EHMT1: variants seen among roughly 807,000 people sequenced by gnomAD.
EHMT1 encodes histone-lysine N-methyltransferase EHMT1.
A neutral mutation model predicts 147.2 loss-of-function variants in EHMT1; 15 were observed. The observed-to-expected ratio is 0.10, with a 90% CI of 0.07 to 0.16. EHMT1 has a LOEUF of 0.16. EHMT1 is among the 10% of genes least tolerant of loss of function. EHMT1 has a pLI of 1.00. For missense variants in EHMT1, 1,587 were observed against 1,772.4 expected, an observed-to-expected ratio of 0.90 and a Z score of 1.88; for synonymous variants, 795 against 709.6, an observed-to-expected ratio of 1.12 and a Z score of -1.91.
chr9:137,664,355 G>C (rs1224789642), intron 1 of EHMT1, among the ~76,000 whole-genome samples: 1 of 150,480 alleles, frequency 6.6e-6, no homozygotes, highest in Non-Finnish European at 1.5e-5. Context: ...GCAGTGGTGT[G>C]ATCTCTGCTC....
intron 4 of EHMT1, among the ~76,000 whole-genome samples, chr9:137,730,422 C>T (rs1947006049): frequency 6.6e-6 from 1 of 151,622 alleles, no homozygotes; most frequent in African/African-American, 2.4e-5. Context: ...TGTCCGTCCA[C>T]ACAGTTATCT....
intron 1 of EHMT1, among the ~76,000 whole-genome samples, chr9:137,673,195 A>T (rs1028635507): frequency 4.6e-5 from 7 of 152,126 alleles, no homozygotes; most frequent in African/African-American, 1.7e-4. Flanking sequence ...ACCTCCCAGC[A>T]GGTGTTTATT....
intron 16 of EHMT1, among the ~76,000 whole-genome samples, chr9:137,793,523 G>C (rs1033311645): frequency 6.6e-6 from 1 of 152,248 alleles, no homozygotes; most frequent in East Asian, 1.9e-4. Flanking sequence ...GCTGTGATCT[G>C]TAGCAACTCC....
At chr9:137,621,907 C>G (rs1388723485) in intron 1 of EHMT1, among the ~76,000 whole-genome samples, 2 of 150,054 alleles carry the variant, frequency 1.3e-5, no homozygotes, top group East Asian at 3.9e-4. Context: ...TGCTAAAACC[C>G]TTAAAAAAAA....
In EHMT1 at chr9:137,822,911, C is replaced by T. The variant is rs558291438; in HGVS notation, c.3540+4773C>T. Reference sequence around the variant, plus strand: ...CTTCATCTCGAAAAAAAAAAAAAAGCCTGTTTTTTGTTGTTGTTGTTGTTT... The same window carrying T: ...CTTCATCTCGAAAAAAAAAAAAAAGTCTGTTTTTTGTTGTTGTTGTTGTTT... On this transcript the variant is annotated intron_variant, in intron 25 of 26. Transcript: ENST00000460843. 2.9e-5 allele frequency among the ~76,000 whole-genome samples: 4 copies of T among 138,776 alleles called. No individual in the cohort carries two copies. In the South Asian group the frequency reaches 6.3e-4, roughly 22 times the overall value. 91.0% of individuals were successfully genotyped at this position (138,776 alleles called of 152,430 possible).
In EHMT1 at chr9:137,787,909, T is replaced by C. The variant is rs1377835090; in HGVS notation, c.2383-2939T>C. The C allele has an allele frequency of 5.5e-6, 8 of 1,464,942 alleles. No individual in the cohort carries two copies. In the Admixed American group the frequency reaches 6.7e-5, roughly 12 times the overall value. 90.7% of individuals were successfully genotyped at this position (1,464,942 alleles called of 1,614,324 possible). A position where few individuals can be genotyped will look rare whatever the true frequency, so the allele number is the denominator to read the frequency against. On this transcript the variant is annotated intron_variant, in intron 15 of 26. Transcript: ENST00000460843. The surrounding 1 kb of genome is among the most constrained non-coding windows in gnomAD (Gnocchi z 4.2). ...GGCATTACCACATTGGGAGTGTAGA[T>C]TGGCAAGTAGGAGGTGGGCAGCTGC...
At chr9:137,720,354 A>T (rs929981200) in intron 3 of EHMT1, among the ~76,000 whole-genome samples, 2 of 151,808 alleles carry the variant, frequency 1.3e-5, no homozygotes, top group African/African-American at 4.8e-5. Flanking sequence ...CCCAGGCTGG[A>T]CTGCAGTGGC....
chr9:137,668,814 C>T (rs928091497), intron 1 of EHMT1, among the ~76,000 whole-genome samples: 1 of 151,896 alleles, frequency 6.6e-6, no homozygotes, highest in African/African-American at 2.4e-5. Flanking sequence ...GTTTTCATTT[C>T]TTCGGCTATC....
intron 1 of EHMT1, chr9:137,685,227 G>A (rs1328079298): frequency 6.6e-6 from 1 of 152,094 alleles, no homozygotes; most frequent in African/African-American, 2.4e-5. Context: ...ACCCCAAGCA[G>A]AAACTCTGTA....
At chr9:137,661,035 A>G (rs1939021652) in intron 1 of EHMT1, among the ~76,000 whole-genome samples, 2 of 152,330 alleles carry the variant, frequency 1.3e-5, no homozygotes, top group South Asian at 4.1e-4. Flanking sequence ...AGGACACGAT[A>G]TGATGTCGAA....
At position 137,827,110 on chromosome 9, in the gene EHMT1, G is replaced by A. The variant is rs530884595; in HGVS notation, c.3541-7239G>A. ...GCTTCCTTCTCCTGTCTGGAGCCAC[G>A]CCTGCCCTCACCTCCTCAGGGACAT... On this transcript the variant is annotated intron_variant, in intron 25 of 26. Transcript: ENST00000460843. Among the ~76,000 whole-genome samples the A allele has an allele frequency of 2.4e-4, 36 of 152,162 alleles. No homozygotes were observed. The South Asian group carries it at 6.9e-3, about 29-fold the overall frequency.
intron 25 of EHMT1, among the ~76,000 whole-genome samples, chr9:137,819,774 T>C (rs987405090): frequency 1.3e-5 from 2 of 151,898 alleles, no homozygotes; most frequent in Non-Finnish European, 2.9e-5. Context: ...GACACGTCCC[T>C]TGTGTCCCCA....
At chr9:137,711,876 G>A (rs1429878827) in intron 2 of EHMT1, among the ~76,000 whole-genome samples, 1 of 152,206 alleles carries the variant, frequency 6.6e-6, no homozygotes, top group Non-Finnish European at 1.5e-5. Context: ...TCTCCCAGCT[G>A]GAGCCTGCTC....
At chr9:137,629,463 G>A (rs768391148) in intron 1 of EHMT1, among the ~76,000 whole-genome samples, 1 of 151,342 alleles carries the variant, frequency 6.6e-6, no homozygotes, top group South Asian at 2.1e-4. Context: ...GCGTGATCTC[G>A]GCTCACTGCA....
intron 4 of EHMT1, among the ~76,000 whole-genome samples, chr9:137,735,691 A>G (rs1947471749): frequency 6.6e-6 from 1 of 152,194 alleles, no homozygotes; most frequent in South Asian, 2.1e-4. Context: ...GGTGGGGCCT[A>G]GCTTGAGGTG....
intron 1 of EHMT1, among the ~76,000 whole-genome samples, chr9:137,705,546 A>C (rs1236812870): frequency 6.6e-6 from 1 of 152,142 alleles, no homozygotes; most frequent in Non-Finnish European, 1.5e-5. Flanking sequence ...TGTACTCTAC[A>C]TTGTGCACAA....
chr9:137,662,054 G>A (rs902946667), intron 1 of EHMT1, among the ~76,000 whole-genome samples: 6 of 152,048 alleles, frequency 3.9e-5, no homozygotes, highest in Non-Finnish European at 8.8e-5. Context: ...TGCCCACCTC[G>A]GCCTCCCAAA....
At chr9:137,724,091 C>T (rs1203384806) in intron 3 of EHMT1, among the ~76,000 whole-genome samples, 1 of 152,242 alleles carries the variant, frequency 6.6e-6, no homozygotes, top group African/African-American at 2.4e-5. Flanking sequence ...GCATGGGGCC[C>T]CTTGTTTTTC....
At chr9:137,743,558 G>C (rs761573493) in intron 5 of EHMT1, 30 bp downstream of exon 5, 1 of 1,613,838 alleles carries the variant, frequency 6.2e-7, no homozygotes, top group Non-Finnish European at 8.5e-7. Context: ...GAGTTGCCAC[G>C]TGTGCGTGGA....
Sources: gnomAD v4.1 joint callset for allele counts (sites outside exome capture counted in the v4.1 genomes callset) on GRCh38, gnomAD v4.1.1 for gene constraint, Gnocchi (gnomAD v3.1) non-coding constraint, MANE v1.5 for transcripts, NCBI Gene and HGNC (gene_info 2026-07-23, HGNC 2026-07-21) for gene names.